The following IPO7 variants were observed in gnomAD, a reference collection of about 807,000 sequenced individuals.
IPO7 encodes importin-7.
A neutral mutation model predicts 136.4 loss-of-function variants in IPO7; 13 were observed. That is an observed-to-expected ratio of 0.10 (90% CI 0.06 to 0.15). The LOEUF is 0.15. IPO7 is among the 10% of genes least tolerant of loss of function. The pLI is 1.00. For synonymous variants in IPO7, 403 were observed against 404.4 expected (o/e 1.00, Z 0.04); for missense variants, 857 against 1,240.6 (o/e 0.69, Z 4.65).
chr11:9,389,089 G>T (rs7128033), intron 1 of IPO7, among the ~76,000 whole-genome samples: 77,253 of 150,900 alleles, frequency 0.51, 22,176 homozygotes, highest in Non-Finnish European at 0.65. Flanking sequence ...GTTCTCACTC[G>T]GTTGCCCAGG....
chr11:9,388,679 G>A (rs921374509), intron 1 of IPO7, among the ~76,000 whole-genome samples: 13 of 150,392 alleles, frequency 8.6e-5, no homozygotes, highest in Admixed American at 1.3e-4. Flanking sequence ...AGGTTTCACC[G>A]TGTTGCCCAG....
chr11:9,384,677 A>G lies in IPO7; in HGVS notation c.-87A>G, dbSNP rs1854523424. On this transcript the variant is annotated 5_prime_UTR_variant, in exon 1 of 25. Transcript: ENST00000379719. Reference sequence around the variant, plus strand: ...CCTTTCGCGCCGGTTGCCGCTGCGGAGCGCGGCGGGTCCATGTGCGCAGTG... The same window carrying G: ...CCTTTCGCGCCGGTTGCCGCTGCGGGGCGCGGCGGGTCCATGTGCGCAGTG... The G allele has an allele frequency of 2.7e-6, 3 of 1,120,500 alleles. No individual in the cohort carries two copies. The highest frequency in any genetic ancestry group is 3.8e-6 in the Non-Finnish European group (3 of 784,996). 69.4% of individuals were successfully genotyped at this position (1,120,500 alleles called of 1,614,324 possible).
At chr11:9,400,104 A>G (rs374283313) in intron 1 of IPO7, among the ~76,000 whole-genome samples, 2 of 152,316 alleles carry the variant, frequency 1.3e-5, no homozygotes, top group East Asian at 3.9e-4. Flanking sequence ...GATTGCTTTT[A>G]ATACCTAATA....
At position 9,409,929 on chromosome 11, in the gene IPO7, G is replaced by A; in HGVS notation, c.322G>A (p.Val108Ile). 1 of 1,539,558 alleles carries A rather than the reference G, an allele frequency of 6.5e-7. No homozygotes were observed. Among genetic ancestry groups the A allele is most frequent in the Non-Finnish European group, 8.7e-7 (1 of 1,146,994 alleles). ...AIIHSPELIR[V>I]QLTTCIHHII... Reference sequence around the variant, plus strand: ...TTACTGTTTTTTTTTGGCTTCCAGGGTACAGCTTACTACATGCATTCATCA... The same window carrying A: ...TTACTGTTTTTTTTTGGCTTCCAGGATACAGCTTACTACATGCATTCATCA... The change falls in exon 4 of 25, where the codon GTA (valine) becomes ATA (isoleucine). Residue 108 changes from valine (V) to isoleucine (I), a missense_variant and splice_region_variant. By Grantham distance (29) the Val-to-Ile change is conservative. This residue lies in a region of IPO7 where 287 missense variants were observed against 307.5 expected (regional missense o/e 0.93). Coordinates refer to ENST00000379719, the MANE Select transcript of IPO7 (RefSeq NM_006391.3).
At chr11:9,388,632 C>T (rs541161724) in intron 1 of IPO7, among the ~76,000 whole-genome samples, 1 of 152,070 alleles carries the variant, frequency 6.6e-6, no homozygotes, top group African/African-American at 2.4e-5. Flanking sequence ...GGATGTGCCA[C>T]TATGCCCAAT....
chr11:9,384,683 G>C lies in IPO7; in HGVS notation c.-81G>C. The C allele has an allele frequency of 8.5e-7, 1 of 1,176,436 alleles. No homozygotes were observed. The highest frequency in any genetic ancestry group is 1.2e-6 in the Non-Finnish European group (1 of 833,476). 72.9% of individuals were successfully genotyped at this position (1,176,436 alleles called of 1,614,324 possible). A position where few individuals can be genotyped will look rare whatever the true frequency, so the allele number is the denominator to read the frequency against. On this transcript the variant is annotated 5_prime_UTR_variant, in exon 1 of 25. Transcript: ENST00000379719. ...GCGCCGGTTGCCGCTGCGGAGCGCG[G>C]CGGGTCCATGTGCGCAGTGAGTGGC...
At chr11:9,393,603 G>A (rs1050542276) in intron 1 of IPO7, among the ~76,000 whole-genome samples, 1 of 152,050 alleles carries the variant, frequency 6.6e-6, no homozygotes, top group Non-Finnish European at 1.5e-5. Flanking sequence ...GGCTGGTCTC[G>A]AAGTCCTGAC....
chr11:9,410,160 A>G (rs1052060456), intron 4 of IPO7, 74 bp downstream of exon 4: 9 of 972,574 alleles, frequency 9.3e-6, no homozygotes, highest in South Asian at 2.6e-5. Context: ...CAATTTGAAC[A>G]TGTAAAATTA....
chr11:9,439,618 G>C (rs182324158), intron 22 of IPO7, among the ~76,000 whole-genome samples: 2 of 150,488 alleles, frequency 1.3e-5, no homozygotes, highest in Non-Finnish European at 3.0e-5. Flanking sequence ...TCGTTCTGTC[G>C]CCAAGCTGGA....
intron 24 of IPO7, 99 bp downstream of exon 24, chr11:9,442,296 A>T: frequency 3.6e-6 from 2 of 555,904 alleles, no homozygotes; most frequent in Non-Finnish European, 6.4e-6. Context: ...ATCATTTAAG[A>T]TGATATAAAA....
chr11:9,434,026 T>G (rs909751245), intron 18 of IPO7, among the ~76,000 whole-genome samples, 180 bp downstream of exon 18: 5 of 151,608 alleles, frequency 3.3e-5, no homozygotes, highest in African/African-American at 1.2e-4. Flanking sequence ...TGGGTTCAAG[T>G]GATTCTCCTG....
At chr11:9,424,086 G>GT (rs1855170542) in intron 10 of IPO7, among the ~76,000 whole-genome samples, 1 of 152,098 alleles carries the variant, frequency 6.6e-6, no homozygotes, top group African/African-American at 2.4e-5. Flanking sequence ...ATACTGTTAA[G>GT]TTTTTATTAC....
At chr11:9,441,882 A>G (rs531050240) in intron 23 of IPO7, among the ~76,000 whole-genome samples, 199 bp from the exon 24 acceptor site, 15 of 152,368 alleles carry the variant, frequency 9.8e-5, no homozygotes, top group African/African-American at 3.4e-4. Flanking sequence ...TTTTGGAGCC[A>G]TAAAGATAAG....
chr11:9,385,052 C>A (rs570745837), intron 1 of IPO7, among the ~76,000 whole-genome samples: 1 of 152,148 alleles, frequency 6.6e-6, no homozygotes, highest in Non-Finnish European at 1.5e-5. Flanking sequence ...GCCTTTGCTT[C>A]GGATCCTGAG....
Position 9,448,092 on chromosome 11 carries a change from T to C in IPO7, c.*2898T>C, listed in dbSNP as rs891110870. On this transcript the variant is annotated 3_prime_UTR_variant, in exon 25 of 25. Coordinates refer to ENST00000379719, the MANE Select transcript of IPO7 (RefSeq NM_006391.3). Reference sequence around the variant, plus strand: ...TGTCTTAAGTATAATAGGTAGTCTCTGTTTGTAAAATAAATGACTTAAATT... The same window carrying C: ...TGTCTTAAGTATAATAGGTAGTCTCCGTTTGTAAAATAAATGACTTAAATT... 1 of 152,220 alleles carries C rather than the reference T, an allele frequency of 6.6e-6. No homozygotes were observed. Among genetic ancestry groups the C allele is most frequent in the Non-Finnish European group, 1.5e-5 (1 of 68,040 alleles). 9.4% of individuals were successfully genotyped at this position (152,220 alleles called of 1,614,324 possible).
At position 9,439,735 on chromosome 11, in the gene IPO7, C is replaced by CGGT. The variant is rs1565004992; in HGVS notation, c.2696-718_2696-717insTGG. On this transcript the variant is annotated intron_variant, in intron 22 of 24. Transcript: ENST00000379719. ...GGATTACAGGCGTGTGCCACCACAC[C>CGGT]GGCTAATTTTTGTATTTTTAGTAGA... Among the ~76,000 whole-genome samples the CGGT allele has an allele frequency of 6.4e-5, 4 of 62,702 alleles. No individual in the cohort carries two copies. The Admixed American group carries it at 7.1e-4, about 11-fold the overall frequency. The allele number at this position is 62,702 out of a possible 152,430, so 41.1% of individuals were successfully genotyped here. A position where few individuals can be genotyped will look rare whatever the true frequency, so the allele number is the denominator to read the frequency against.
In IPO7 at chr11:9,429,934, A is replaced by G. The variant is rs1855269023; in HGVS notation, c.1752+100A>G. 5.1e-5 allele frequency: 40 copies of G among 783,950 alleles called. 1 individual carries two copies. The South Asian group carries it at 7.9e-4, about 15-fold the overall frequency. 48.6% of individuals were successfully genotyped at this position (783,950 alleles called of 1,614,324 possible). A position where few individuals can be genotyped will look rare whatever the true frequency, so the allele number is the denominator to read the frequency against. ...TGGCTTGCCTTACCTTATAGCAGTC[A>G]ACCTTTTTGGCACCTGGGATCGGTT... On this transcript the variant is annotated intron_variant, in intron 15 of 24. Transcript: ENST00000379719.
intron 10 of IPO7, among the ~76,000 whole-genome samples, chr11:9,424,698 G>A (rs960762606): frequency 3.3e-5 from 5 of 152,114 alleles, no homozygotes; most frequent in African/African-American, 4.8e-5. Flanking sequence ...AGCCGAGATC[G>A]CCCACTGCAC....
chr11:9,406,624 A>G lies in IPO7; in HGVS notation c.167-1862A>G, dbSNP rs77012942. On this transcript the variant is annotated intron_variant, in intron 2 of 24. Transcript: ENST00000379719. ...GGTGGCTCACACCTGTAATCCCAGC[A>G]CTTTGGAAGGCCGTAGATGGGGGAT... 3.7e-3 allele frequency among the ~76,000 whole-genome samples: 560 copies of G among 152,308 alleles called. 1 individual carries two copies. The highest frequency in any genetic ancestry group is 6.0e-3 in the Non-Finnish European group (411 of 68,018).
Sources: allele counts gnomAD v4.1 joint callset (sites outside exome capture counted in the v4.1 genomes callset), GRCh38; gene constraint gnomAD v4.1.1; regional missense constraint gnomAD v4.1.1; transcripts MANE v1.5; gene names NCBI Gene and HGNC (gene_info 2026-07-23, HGNC 2026-07-21).